Variants in MAPK8 observed in about 807,000 individuals in gnomAD.
MAPK8 encodes the protein mitogen-activated protein kinase 8.
MAPK8 carries 13 observed loss-of-function variants against 52.9 expected under a neutral mutation model. The ratio of observed to expected loss-of-function variants is 0.25; its 90% CI spans 0.16 to 0.39. The LOEUF (loss-of-function observed/expected upper bound fraction) is 0.39. Ranked by LOEUF, MAPK8 falls within the 10% of genes least tolerant of loss-of-function variation. MAPK8 has a pLI of 1.00. For synonymous variants in MAPK8, 191 were observed against 169.8 expected, an observed-to-expected ratio of 1.12 and a Z score of -0.97; for missense variants, 300 against 519.2, an observed-to-expected ratio of 0.58 and a Z score of 4.10.
chr10:48,423,706 T>C (rs1157327586), intron 6 of MAPK8, among the ~76,000 whole-genome samples: 2 of 152,188 alleles, frequency 1.3e-5, no homozygotes, highest in Non-Finnish European at 2.9e-5. Flanking sequence ...CTAAATAGTA[T>C]AGTATAACAA....
At chr10:48,321,710 G>A (rs1031912371) in intron 1 of MAPK8, among the ~76,000 whole-genome samples, 9 of 152,142 alleles carry the variant, frequency 5.9e-5, no homozygotes, top group African/African-American at 1.9e-4. Flanking sequence ...AGGCATGTGA[G>A]GTAATTCTTT....
At chr10:48,426,537 T>G (rs749954521) in intron 9 of MAPK8, 33 bp downstream of exon 9, 26 of 1,589,024 alleles carry the variant, frequency 1.6e-5, no homozygotes, top group Non-Finnish European at 6.0e-6. Context: ...ACAGAACATA[T>G]TGCATTCTTA....
At chr10:48,316,099 T>C (rs1842471587) in intron 1 of MAPK8, among the ~76,000 whole-genome samples, 1 of 152,220 alleles carries the variant, frequency 6.6e-6, no homozygotes, top group African/African-American at 2.4e-5. Flanking sequence ...ATAGTGAATG[T>C]AGGATTAGCA....
At chr10:48,432,869 C>A (rs536260400) in intron 11 of MAPK8, among the ~76,000 whole-genome samples, 1 of 152,070 alleles carries the variant, frequency 6.6e-6, no homozygotes, top group Non-Finnish European at 1.5e-5. Flanking sequence ...CTTGCAAAGA[C>A]GAGTATTAGC....
chr10:48,380,699 C>T (rs1344543451), intron 1 of MAPK8, among the ~76,000 whole-genome samples: 2 of 152,192 alleles, frequency 1.3e-5, no homozygotes, highest in Non-Finnish European at 2.9e-5. Context: ...CGCCAGTGCG[C>T]TCCAGCATGG....
intron 1 of MAPK8, among the ~76,000 whole-genome samples, chr10:48,319,408 C>T (rs1412257774): frequency 6.6e-6 from 1 of 152,164 alleles, no homozygotes; most frequent in Admixed American, 6.5e-5. Context: ...CTCCCCATTT[C>T]TTCACACACA....
At chr10:48,423,794 A>T (rs1302104917) in intron 6 of MAPK8, among the ~76,000 whole-genome samples, 3 of 152,166 alleles carry the variant, frequency 2.0e-5, no homozygotes, top group African/African-American at 7.2e-5. Flanking sequence ...CATATTTTAT[A>T]AACAAGTTCT....
chr10:48,389,850 T>A (rs1248040350), intron 1 of MAPK8, among the ~76,000 whole-genome samples: 1 of 151,338 alleles, frequency 6.6e-6, no homozygotes. Context: ...GGGGAGAGAG[T>A]GTGCTTAAAG....
chr10:48,424,561 G>A (rs139339988), intron 7 of MAPK8: 1 of 1,599,848 alleles, frequency 6.3e-7, no homozygotes, highest in Non-Finnish European at 8.5e-7. Flanking sequence ...GATCAAAGGT[G>A]GTGTTTTGTT....
intron 1 of MAPK8, among the ~76,000 whole-genome samples, chr10:48,335,566 G>A (rs1386944006): frequency 6.6e-6 from 1 of 152,082 alleles, no homozygotes; most frequent in African/African-American, 2.4e-5. Context: ...AATAAATACT[G>A]TCATTTATTT....
chr10:48,376,673 A>G (rs1407938368), intron 1 of MAPK8, among the ~76,000 whole-genome samples: 1 of 152,242 alleles, frequency 6.6e-6, no homozygotes, highest in African/African-American at 2.4e-5. Flanking sequence ...ATCAGAAACC[A>G]CAATGAGATA....
At chr10:48,366,929 T>C (rs1231134156) in intron 1 of MAPK8, among the ~76,000 whole-genome samples, 1 of 152,000 alleles carries the variant, frequency 6.6e-6, no homozygotes, top group Non-Finnish European at 1.5e-5. Flanking sequence ...AATCACCAAA[T>C]GTTATTTCAA....
chr10:48,315,483 A>C (rs1437791337), intron 1 of MAPK8, among the ~76,000 whole-genome samples: 1 of 152,104 alleles, frequency 6.6e-6, no homozygotes. Flanking sequence ...CAGCTTTATG[A>C]TGTACCTTTA....
intron 1 of MAPK8, among the ~76,000 whole-genome samples, chr10:48,335,628 A>G (rs1844611898): frequency 1.3e-5 from 2 of 152,192 alleles, no homozygotes; most frequent in South Asian, 4.1e-4. Flanking sequence ...TGTCTTCCAC[A>G]TACCCTAGCC....
chr10:48,438,409 A>G lies in MAPK8; in HGVS notation c.*3380A>G, dbSNP rs1338535653. 6.6e-6 allele frequency: 1 copy of G among 152,256 alleles called. No individual in the cohort carries two copies. The highest frequency in any genetic ancestry group is 1.5e-5 in the Non-Finnish European group (1 of 68,042). The allele number at this position is 152,256 out of a possible 1,614,324, so 9.4% of individuals were successfully genotyped here. On this transcript the variant is annotated 3_prime_UTR_variant, in exon 12 of 12. Transcript: ENST00000374189. ...GCAGAAATGTATAGTTTGGGGTACG[A>G]TTAGAAAACTCGTAAGGAAAACAGA... is the stretch of plus-strand genomic sequence containing the variant.
Position 48,435,214 on chromosome 10 carries a change from C to T in MAPK8, c.*185C>T. On this transcript the variant is annotated 3_prime_UTR_variant, in exon 12 of 12. Transcript: ENST00000374189. Reference sequence around the variant, plus strand: ...GTAATTTAAAACCTAAGTTGTGTTTCAAAACAGCAACAAAACTGTATTGTA... The same window carrying T: ...GTAATTTAAAACCTAAGTTGTGTTTTAAAACAGCAACAAAACTGTATTGTA... 1 of 468,342 alleles carries T rather than the reference C, an allele frequency of 2.1e-6. No homozygotes were observed. 29.0% of individuals were successfully genotyped at this position (468,342 alleles called of 1,614,324 possible).
At chr10:48,347,880 T>C (rs1243802155) in intron 1 of MAPK8, among the ~76,000 whole-genome samples, 1 of 152,214 alleles carries the variant, frequency 6.6e-6, no homozygotes, top group African/African-American at 2.4e-5. Context: ...GGCTTTATAG[T>C]AGAATGATTT....
At chr10:48,327,580 A>G (rs1843660502) in intron 1 of MAPK8, among the ~76,000 whole-genome samples, 1 of 152,118 alleles carries the variant, frequency 6.6e-6, no homozygotes, top group Admixed American at 6.5e-5. Flanking sequence ...TTATTATTAG[A>G]GTAAGGCTGC....
chr10:48,359,637 A>G lies in MAPK8; in HGVS notation c.-49-41975A>G, dbSNP rs551424561. ...TTCCCTGCCTATTTGAATACTTTCT[A>G]TGTGACAGAACACCATTGCAGATCA... On this transcript the variant is annotated intron_variant, in intron 1 of 11. Coordinates refer to ENST00000374189, the MANE Select transcript of MAPK8 (RefSeq NM_001323329.2). 3.9e-5 allele frequency among the ~76,000 whole-genome samples: 6 copies of G among 152,332 alleles called. No homozygotes were observed. In the South Asian group the frequency reaches 6.2e-4, roughly 16 times the overall value.
Sources: allele counts gnomAD v4.1 joint callset (sites outside exome capture counted in the v4.1 genomes callset), GRCh38; gene constraint gnomAD v4.1.1; transcripts MANE v1.5; gene names NCBI Gene and HGNC (gene_info 2026-07-23, HGNC 2026-07-21).